CDH13: variants seen among roughly 807,000 people sequenced by gnomAD.
The protein encoded by CDH13 is cadherin-13.
CDH13 carries 24 observed loss-of-function variants against 63.8 expected under a neutral mutation model. That is an observed-to-expected ratio of 0.38 (90% confidence interval 0.27 to 0.53). The LOEUF (loss-of-function observed/expected upper bound fraction) is 0.53, where lower values mean the gene tolerates loss of function less well. Among genes scored for constraint, CDH13 ranks in the 20% least tolerant of loss-of-function variants. CDH13 has a pLI of 0.85. For synonymous variants in CDH13, 503 were observed against 355.3 expected (o/e 1.42, Z -4.67); for missense variants, 1,049 against 903.1 (o/e 1.16, Z -2.07).
intron 1 of CDH13, among the ~76,000 whole-genome samples, chr16:82,643,002 G>T (rs545342321): frequency 6.6e-6 from 1 of 152,316 alleles, no homozygotes; most frequent in African/African-American, 2.4e-5. Context: ...GTCCAGAAAA[G>T]TCAAATCCAG....
chr16:83,150,627 G>A (rs1392188320), intron 4 of CDH13, among the ~76,000 whole-genome samples: 1 of 152,152 alleles, frequency 6.6e-6, no homozygotes, highest in Non-Finnish European at 1.5e-5. Flanking sequence ...TCAGATATCT[G>A]TCCTTATAGA....
chr16:82,716,625 C>A (rs1328066854), intron 1 of CDH13, among the ~76,000 whole-genome samples: 2 of 148,100 alleles, frequency 1.4e-5, no homozygotes, highest in African/African-American at 2.5e-5. Flanking sequence ...AAGCAGACAC[C>A]CAGCTGGCAT....
chr16:83,112,949 T>G lies in CDH13; in HGVS notation c.367-12436T>G, dbSNP rs375985692. 9.2e-5 allele frequency among the ~76,000 whole-genome samples: 14 copies of G among 152,268 alleles called. No homozygotes were observed. The East Asian group carries it at 2.5e-3, about 27-fold the overall frequency. On this transcript the variant is annotated intron_variant, in intron 3 of 13. Coordinates refer to ENST00000567109, the MANE Select transcript of CDH13 (RefSeq NM_001257.5). ...ACAGCACTTATAAAGGAGGAAAACA[T>G]GTGGAACTCATGTCTGGTACACATG...
At chr16:83,201,990 G>C (rs970951685) in intron 4 of CDH13, among the ~76,000 whole-genome samples, 1 of 152,182 alleles carries the variant, frequency 6.6e-6, no homozygotes, top group South Asian at 2.1e-4. Context: ...CCATGTTTGA[G>C]CCTGCATGGG....
At chr16:83,323,734 T>C (rs943482332) in intron 5 of CDH13, among the ~76,000 whole-genome samples, 2 of 152,210 alleles carry the variant, frequency 1.3e-5, no homozygotes, top group African/African-American at 2.4e-5. Context: ...GTGACCACCA[T>C]AGTACAGGCC....
At chr16:83,693,508 G>A (rs1297478076) in intron 10 of CDH13, among the ~76,000 whole-genome samples, 1 of 152,166 alleles carries the variant, frequency 6.6e-6, no homozygotes, top group East Asian at 1.9e-4. Flanking sequence ...GTACCTCACT[G>A]CTTAAATCTC....
intron 4 of CDH13, among the ~76,000 whole-genome samples, chr16:83,168,918 G>C (rs2037804541): frequency 6.6e-6 from 1 of 151,910 alleles, no homozygotes; most frequent in Non-Finnish European, 1.5e-5. Flanking sequence ...CCCTAGTTTT[G>C]GTTATTCTGT....
At chr16:83,516,691 C>T (rs1038811971) in intron 7 of CDH13, among the ~76,000 whole-genome samples, 1 of 152,176 alleles carries the variant, frequency 6.6e-6, no homozygotes, top group African/African-American at 2.4e-5. Flanking sequence ...CTACTCTCTT[C>T]CAGGCACAGT....
chr16:82,793,462 C>G (rs184817112), intron 1 of CDH13, among the ~76,000 whole-genome samples: 1 of 152,202 alleles, frequency 6.6e-6, no homozygotes, highest in Non-Finnish European at 1.5e-5. Flanking sequence ...AAAAAATACC[C>G]TGTGGAGTTC....
chr16:83,141,030 G>A (rs1288569175), intron 4 of CDH13, among the ~76,000 whole-genome samples: 1 of 152,184 alleles, frequency 6.6e-6, no homozygotes, highest in Non-Finnish European at 1.5e-5. Context: ...AGTCACTGAA[G>A]TATCCACTAT....
chr16:82,732,131 G>A (rs1029796076), intron 1 of CDH13, among the ~76,000 whole-genome samples: 3 of 152,104 alleles, frequency 2.0e-5, no homozygotes, highest in African/African-American at 7.2e-5. Flanking sequence ...GATGAATTAT[G>A]TGCTGGCTTA....
chr16:83,005,617 G>C, intron 2 of CDH13, among the ~76,000 whole-genome samples: 1 of 152,188 alleles, frequency 6.6e-6, no homozygotes, highest in South Asian at 2.1e-4. Flanking sequence ...AGGTAAAAAG[G>C]AGTTGTCTCA....
intron 6 of CDH13, among the ~76,000 whole-genome samples, chr16:83,368,818 T>G (rs1202596437): frequency 6.8e-6 from 1 of 147,570 alleles, no homozygotes; most frequent in African/African-American, 2.5e-5. Context: ...AGTCTGCAAT[T>G]CCATCCAAGT....
intron 1 of CDH13, among the ~76,000 whole-genome samples, chr16:82,699,067 A>G (rs536801967): frequency 2.8e-4 from 43 of 152,344 alleles, no homozygotes; most frequent in African/African-American, 9.1e-4. Context: ...ACATCTTCAT[A>G]CTAATAATAA....
At chr16:83,040,329 A>G (rs887157680) in intron 3 of CDH13, among the ~76,000 whole-genome samples, 6 of 152,188 alleles carry the variant, frequency 3.9e-5, no homozygotes, top group Non-Finnish European at 2.9e-5. Context: ...GACTCACATC[A>G]TCACAAGGTA....
chr16:83,448,894 T>C (rs768982240), intron 6 of CDH13, among the ~76,000 whole-genome samples: 3 of 152,192 alleles, frequency 2.0e-5, no homozygotes, highest in Non-Finnish European at 4.4e-5. Context: ...TGGAGGTTAC[T>C]GATGACTTTC....
Position 83,121,974 on chromosome 16 carries a change from AC to A in CDH13, c.367-3410del, listed in dbSNP as rs1368153117. On this transcript the variant is annotated intron_variant, in intron 3 of 13. Coordinates refer to ENST00000567109, the MANE Select transcript of CDH13 (RefSeq NM_001257.5). Reference sequence around the variant, plus strand: ...TCCTTTAAAACTGTCACACACACACACACACACACACACACACACACTTTTA... The same window carrying A: ...TCCTTTAAAACTGTCACACACACACAACACACACACACACACACACTTTTA... 4.1e-3 allele frequency among the ~76,000 whole-genome samples: 612 copies of A among 150,886 alleles called. 5 individuals are homozygous for A. The highest frequency in any genetic ancestry group is 0.014 in the African/African-American group (576 of 40,426).
intron 4 of CDH13, among the ~76,000 whole-genome samples, chr16:83,174,076 A>T (rs1176011933): frequency 1.4e-5 from 2 of 145,412 alleles, no homozygotes; most frequent in African/African-American, 5.4e-5. Flanking sequence ...CCCAAATCTG[A>T]TGCCTTGAGG....
chr16:83,602,082 C>CAAAAA (rs576973198), intron 7 of CDH13, among the ~76,000 whole-genome samples: 2 of 32,286 alleles, frequency 6.2e-5, no homozygotes, highest in Admixed American at 6.1e-4. Context: ...GACTCTGTCT[C>CAAAAA]AAAAAAAAAA....
Sources: gnomAD v4.1 joint callset for allele counts (sites outside exome capture counted in the v4.1 genomes callset) on GRCh38, gnomAD v4.1.1 for gene constraint, MANE v1.5 for transcripts, NCBI Gene and HGNC (gene_info 2026-07-23, HGNC 2026-07-21) for gene names.